Variants in RBFOX1 observed in about 807,000 individuals in gnomAD.
RBFOX1 encodes RNA binding fox-1 homolog 1.
Under a neutral mutation model 57.7 loss-of-function variants are expected in RBFOX1, and 8 were observed. That is an observed-to-expected ratio of 0.14 (90% CI 0.08 to 0.25). The LOEUF (loss-of-function observed/expected upper bound fraction) is 0.25. Among genes scored for constraint, RBFOX1 ranks in the 10% least tolerant of loss-of-function variants. The pLI is 1.00. For synonymous variants in RBFOX1, 326 were observed against 222.4 expected, an observed-to-expected ratio of 1.47 and a Z score of -4.15; for missense variants, 611 against 548.5, an observed-to-expected ratio of 1.11 and a Z score of -1.14.
intron 4 of RBFOX1, among the ~76,000 whole-genome samples, chr16:7,125,397 C>T (rs1164185501): frequency 1.3e-5 from 2 of 152,182 alleles, no homozygotes; most frequent in East Asian, 1.9e-4. Context: ...GATACCTTGT[C>T]ACTAGCGTCA....
intron 3 of RBFOX1, among the ~76,000 whole-genome samples, chr16:5,702,672 T>C (rs2051094824): frequency 1.3e-5 from 2 of 152,228 alleles, no homozygotes; most frequent in Non-Finnish European, 2.9e-5. Flanking sequence ...GTTAACAGTC[T>C]ATGAGTATCA....
rs770507881 is a variant in RBFOX1 at position 6,371,010 on chromosome 16, C to T, written c.-64+53953C>T. Among the ~76,000 whole-genome samples the T allele has an allele frequency of 2.2e-4, 33 of 152,074 alleles. No homozygotes were observed. In the South Asian group the frequency reaches 3.3e-3, roughly 15 times the overall value. On this transcript the variant is annotated intron_variant, in intron 2 of 15. Transcript: ENST00000550418. Reference sequence around the variant, plus strand: ...TCCCAGTTGGGGTGTGCATTTTTGCCAGGGATACCCCCAAGTAATAATGTC... The same window carrying T: ...TCCCAGTTGGGGTGTGCATTTTTGCTAGGGATACCCCCAAGTAATAATGTC...
intron 1 of RBFOX1, among the ~76,000 whole-genome samples, chr16:6,280,970 T>A (rs1416829675): frequency 1.3e-5 from 2 of 149,654 alleles, no homozygotes; most frequent in Non-Finnish European, 2.9e-5. Flanking sequence ...TGTGTGTGTA[T>A]GTGTGTGTAT....
At chr16:5,513,144 G>A (rs868113672) in intron 2 of RBFOX1, among the ~76,000 whole-genome samples, 6 of 152,054 alleles carry the variant, frequency 3.9e-5, no homozygotes, top group Admixed American at 6.6e-5. Context: ...TGAACTCCAG[G>A]GCTCAAGTGA....
chr16:6,282,010 A>AC (rs1292862013), intron 1 of RBFOX1, among the ~76,000 whole-genome samples: 1 of 152,156 alleles, frequency 6.6e-6, no homozygotes, highest in Non-Finnish European at 1.5e-5. Flanking sequence ...ATAAAAATGT[A>AC]CCACTCTATA....
chr16:7,542,549 A>T (rs949808349), intron 5 of RBFOX1, among the ~76,000 whole-genome samples: 3 of 151,960 alleles, frequency 2.0e-5, no homozygotes, highest in Non-Finnish European at 2.9e-5. Flanking sequence ...GAAACAGAAA[A>T]AGGAGATAGA....
At chr16:7,450,259 T>G (rs186914865) in intron 4 of RBFOX1, among the ~76,000 whole-genome samples, 29 of 151,910 alleles carry the variant, frequency 1.9e-4, no homozygotes, top group Non-Finnish European at 3.8e-4. Flanking sequence ...CTGGGCATGG[T>G]GACATACGCC....
chr16:7,611,736 G>C (rs2141488958), intron 10 of RBFOX1, among the ~76,000 whole-genome samples: 1 of 152,258 alleles, frequency 6.6e-6, no homozygotes, highest in South Asian at 2.1e-4. Flanking sequence ...GATAAATTAT[G>C]ACATTCCTTC....
At chr16:5,860,938 C>G (rs2057197310) in intron 3 of RBFOX1, among the ~76,000 whole-genome samples, 1 of 152,208 alleles carries the variant, frequency 6.6e-6, no homozygotes. Flanking sequence ...AAGCTTCATT[C>G]TCTGCTTTGC....
chr16:7,691,369 C>CAA (rs57950781), intron 14 of RBFOX1, among the ~76,000 whole-genome samples: 1 of 111,686 alleles, frequency 9.0e-6, no homozygotes, highest in African/African-American at 3.2e-5. Context: ...CATAGGTTTT[C>CAA]AAAAAAAAAA....
chr16:7,151,769 G>T (rs117520546), intron 4 of RBFOX1, among the ~76,000 whole-genome samples: 1 of 152,158 alleles, frequency 6.6e-6, no homozygotes, highest in African/African-American at 2.4e-5. Context: ...ATCTTGGGGT[G>T]ATGGTAGGAA....
intron 4 of RBFOX1, among the ~76,000 whole-genome samples, chr16:7,056,134 C>T (rs551519663): frequency 6.6e-6 from 1 of 152,130 alleles, no homozygotes; most frequent in African/African-American, 2.4e-5. Flanking sequence ...GCATTAGTAA[C>T]CAGCTCAGCC....
In RBFOX1 at chr16:7,300,596, T is replaced by C. The variant is rs1454048787; in HGVS notation, c.28-217551T>C. 1.5e-4 allele frequency among the ~76,000 whole-genome samples: 20 copies of C among 134,628 alleles called. No homozygotes were observed. In the Admixed American group the frequency reaches 1.6e-3, roughly 11 times the overall value. The allele number at this position is 134,628 out of a possible 152,430, so 88.3% of individuals were successfully genotyped here. ...CTGGAGTCTTGCTTGCTCTGAGGTA[T>C]GGCAACTCTTATAGAAAGTATTTTT... is the stretch of plus-strand genomic sequence containing the variant. On this transcript the variant is annotated intron_variant, in intron 4 of 15. Coordinates refer to ENST00000550418, the MANE Select transcript of RBFOX1 (RefSeq NM_018723.4).
Position 5,475,211 on chromosome 16 carries a change from A to G in RBFOX1, c.258+7957A>G, listed in dbSNP as rs113878609. 1.5e-3 allele frequency among the ~76,000 whole-genome samples: 234 copies of G among 152,286 alleles called. 1 individual carries two copies. Among genetic ancestry groups the G allele is most frequent in the African/African-American group, 5.5e-3 (227 of 41,572 alleles). On this transcript the variant is annotated intron_variant, in intron 2 of 2. Coordinates refer to the RBFOX1 transcript ENST00000585867. ...GTCATTTAAAAAATTATTTATTACA[A>G]AGACTTTTCTTGCTGCTTCATTTGT...
At chr16:5,943,894 C>T (rs2059332771) in intron 4 of RBFOX1, among the ~76,000 whole-genome samples, 1 of 151,982 alleles carries the variant, frequency 6.6e-6, no homozygotes, top group East Asian at 1.9e-4. Flanking sequence ...CCCAGCCATT[C>T]ATCTACTCAT....
intron 3 of RBFOX1, among the ~76,000 whole-genome samples, chr16:6,888,003 GT>G (rs1317982287): frequency 1.3e-5 from 2 of 152,000 alleles, no homozygotes; most frequent in Non-Finnish European, 2.9e-5. Flanking sequence ...TCTGTTTGGG[GT>G]TTTTGTTTGG....
At chr16:6,210,773 C>T (rs1274010762) in intron 1 of RBFOX1, among the ~76,000 whole-genome samples, 1 of 152,096 alleles carries the variant, frequency 6.6e-6, no homozygotes, top group Non-Finnish European at 1.5e-5. Flanking sequence ...AAAAAGGAAT[C>T]TTATGAAGAT....
At chr16:6,631,437 G>A (rs1230298467) in intron 2 of RBFOX1, among the ~76,000 whole-genome samples, 2 of 151,940 alleles carry the variant, frequency 1.3e-5, no homozygotes, top group Non-Finnish European at 2.9e-5. Flanking sequence ...AAAGTTCCCA[G>A]TGACAGAGTG....
chr16:7,465,729 G>A (rs1445630867), intron 4 of RBFOX1, among the ~76,000 whole-genome samples: 2 of 152,138 alleles, frequency 1.3e-5, no homozygotes, highest in Non-Finnish European at 2.9e-5. Context: ...ATGCAGATTT[G>A]TGGGTCCCTC....
Sources: gnomAD v4.1 joint callset for allele counts (sites outside exome capture counted in the v4.1 genomes callset) on GRCh38, gnomAD v4.1.1 for gene constraint, MANE v1.5 for transcripts, NCBI Gene and HGNC (gene_info 2026-07-23, HGNC 2026-07-21) for gene names.